The following KNDC1 variants were observed in gnomAD, a reference collection of about 807,000 sequenced individuals.
KNDC1 encodes the protein kinase non-catalytic C-lobe domain-containing protein 1.
KNDC1 carries 106 observed loss-of-function variants against 172.8 expected under a neutral mutation model. That is an observed-to-expected ratio of 0.61 (90% CI 0.52 to 0.72). The LOEUF is 0.72. Ranked by LOEUF, KNDC1 falls within the 30% of genes least tolerant of loss-of-function variation. KNDC1 has a pLI of 0.00. For missense variants in KNDC1, 2,325 were observed against 2,394.5 expected, an observed-to-expected ratio of 0.97 and a Z score of 0.61; for synonymous variants, 1,083 against 1,062.2, an observed-to-expected ratio of 1.02 and a Z score of -0.38.
rs191650518 is a variant in KNDC1 at position 133,180,785 on chromosome 10, G to A, written c.361-2559G>A. Among the ~76,000 whole-genome samples the A allele has an allele frequency of 2.4e-4, 36 of 152,358 alleles. No homozygotes were observed. The East Asian group carries it at 6.2e-3, about 26-fold the overall frequency. Reference sequence around the variant, plus strand: ...CGGCAGTCCTACCTCAGCGGAGAAAGCATAGTCCTTGCATGGGGATTTAGA... The same window carrying A: ...CGGCAGTCCTACCTCAGCGGAGAAAACATAGTCCTTGCATGGGGATTTAGA... On this transcript the variant is annotated intron_variant, in intron 3 of 29. Transcript: ENST00000304613.
At chr10:133,213,152 G>A (rs1184129762) in intron 24 of KNDC1, among the ~76,000 whole-genome samples, 2 of 152,216 alleles carry the variant, frequency 1.3e-5, no homozygotes, top group African/African-American at 2.4e-5. Context: ...ACCACTGCCC[G>A]CTGGGCCTGG....
intron 10 of KNDC1, among the ~76,000 whole-genome samples, chr10:133,196,519 G>A (rs903719989): frequency 3.3e-5 from 5 of 152,328 alleles, no homozygotes; most frequent in South Asian, 2.1e-4. Flanking sequence ...GGGTCCAGCC[G>A]TCTCCGCCTC....
At chr10:133,184,411 C>T (rs1483926997) in intron 5 of KNDC1, among the ~76,000 whole-genome samples, 2 of 80,668 alleles carry the variant, frequency 2.5e-5, no homozygotes, top group South Asian at 4.5e-4. Flanking sequence ...CACGCACACA[C>T]CCACTCACAC....
intron 3 of KNDC1, among the ~76,000 whole-genome samples, chr10:133,177,534 AGT>A (rs746910194): frequency 5.7e-4 from 86 of 151,612 alleles, no homozygotes; most frequent in South Asian, 3.5e-3. Context: ...GCATGCACAT[AGT>A]GTGTGTCATG....
At chr10:133,210,767 G>A (rs1278548435) in intron 21 of KNDC1, 43 bp downstream of exon 21, 3 of 1,494,534 alleles carry the variant, frequency 2.0e-6, no homozygotes, top group African/African-American at 2.8e-5. Context: ...GCTTCCCCCT[G>A]GGGCAGGGTG....
At position 133,167,664 on chromosome 10, in the gene KNDC1, G is replaced by A. The variant is rs766217393; in HGVS notation, c.301+85G>A. On this transcript the variant is annotated intron_variant, in intron 2 of 29. Coordinates refer to ENST00000304613, the MANE Select transcript of KNDC1 (RefSeq NM_152643.8). ...GGGGGATGTGAGCACTGGCTCTGCCGGAGCAGATGCTGGGAGCATGCCCGG... is the reference window on the plus strand; with the variant it reads ...GGGGGATGTGAGCACTGGCTCTGCCAGAGCAGATGCTGGGAGCATGCCCGG... 4.5e-4 allele frequency: 623 copies of A among 1,387,386 alleles called. 1 individual carries two copies. Among genetic ancestry groups the A allele is most frequent in the Non-Finnish European group, 5.9e-4 (603 of 1,014,816 alleles). The allele number at this position is 1,387,386 out of a possible 1,614,324, so 85.9% of individuals were successfully genotyped here. A position where few individuals can be genotyped will look rare whatever the true frequency, so the allele number is the denominator to read the frequency against.
intron 10 of KNDC1, among the ~76,000 whole-genome samples, chr10:133,196,111 G>T (rs1854184312): frequency 6.6e-6 from 1 of 152,226 alleles, no homozygotes; most frequent in Non-Finnish European, 1.5e-5. Context: ...TTGTCCAAGA[G>T]GCCAGGGCGG....
rs778690034 is a variant in KNDC1, at chr10:133,189,678, G to T, written c.1513+9G>T. The T allele has an allele frequency of 5.0e-6, 8 of 1,613,902 alleles. No homozygotes were observed. The Admixed American group carries it at 6.7e-5, about 13-fold the overall frequency. On this transcript the variant is annotated intron_variant, in intron 8 of 29. Transcript: ENST00000304613. ...GCCACCCCCTGCCAACGGTGAGTGT[G>T]TGGGTTCCCCTCAGGCCGAGTCCAG...
At chr10:133,211,654 C>T (rs761147565) in intron 22 of KNDC1, 25 bp from the exon 23 acceptor site, 29 of 1,588,752 alleles carry the variant, frequency 1.8e-5, no homozygotes, top group Non-Finnish European at 2.5e-5. Flanking sequence ...GGCAGTGACC[C>T]CCCCACCACT....
At chr10:133,169,321 G>T (rs1853295144) in intron 3 of KNDC1, among the ~76,000 whole-genome samples, 1 of 152,200 alleles carries the variant, frequency 6.6e-6, no homozygotes, top group Non-Finnish European at 1.5e-5. Context: ...TTAGCCGGAT[G>T]CAGTGGTGCA....
chr10:133,199,339 C>T, intron 14 of KNDC1, 73 bp downstream of exon 14: 4 of 1,557,348 alleles, frequency 2.6e-6, no homozygotes, highest in Middle Eastern at 1.7e-4. Flanking sequence ...CGGGGCCGCC[C>T]CACGCCCTTC....
rs776838670 is a variant in KNDC1, at chr10:133,211,443, G to A, written c.3930G>A (p.Ser1310=). The part of the protein sequence containing the change: ...TLTRAHQDPT[S]TFTKIYRRSL... ...CCAGGGCCCACCAGGACCCCACCTC[G>A]ACCTTCACCAAGATCTACAGGCGGA... The change falls in exon 22 of 30, where the codon TCG becomes TCA. Residue 1310 remains serine (S), a synonymous_variant. Coordinates refer to ENST00000304613, the MANE Select transcript of KNDC1 (RefSeq NM_152643.8). The A allele has an allele frequency of 1.9e-5, 31 of 1,613,512 alleles. 1 individual carries two copies. The South Asian group carries it at 2.0e-4, about 10-fold the overall frequency.
Position 133,219,108 on chromosome 10 carries a change from G to A in KNDC1, c.4860+18G>A, listed in dbSNP as rs1321198263. Reference sequence around the variant, plus strand: ...CCGTGGAGGTACCAGCACTTTACGTGGCCGGGCGGCTTTGGTCCCCCGAGG... The same window carrying A: ...CCGTGGAGGTACCAGCACTTTACGTAGCCGGGCGGCTTTGGTCCCCCGAGG... On this transcript the variant is annotated intron_variant, in intron 28 of 29. Coordinates refer to ENST00000304613, the MANE Select transcript of KNDC1 (RefSeq NM_152643.8). 6.2e-7 allele frequency: 1 copy of A among 1,611,058 alleles called. No homozygotes were observed. The highest frequency in any genetic ancestry group is 8.5e-7 in the Non-Finnish European group (1 of 1,178,926).
chr10:133,192,509 A>C (rs1219821288), intron 9 of KNDC1, among the ~76,000 whole-genome samples: 1 of 152,252 alleles, frequency 6.6e-6, no homozygotes, highest in Non-Finnish European at 1.5e-5. Flanking sequence ...TAAAATTTTT[A>C]AAGCAACCAT....
rs141930388 is a variant in KNDC1, at chr10:133,188,625, C to A, written c.1413C>A (p.Arg471=). ...ELWALCLACL[R]ALQTRPEHPA... ...GGGCCCTGTGCCTGGCCTGCCTCCG[C>A]GCACTGCAGACACGCCCTGAGCACC... The change falls in exon 7 of 30, where the codon CGC becomes CGA. Residue 471 remains arginine, a synonymous_variant. Transcript: ENST00000304613. 6.7e-4 allele frequency: 1,073 copies of A among 1,595,466 alleles called. 8 individuals carry two copies. The African/African-American group carries it at 0.013, about 19-fold the overall frequency.
At chr10:133,189,156 G>A (rs984118899) in intron 7 of KNDC1, among the ~76,000 whole-genome samples, 4 of 152,156 alleles carry the variant, frequency 2.6e-5, no homozygotes, top group Admixed American at 6.5e-5. Context: ...CATCTGAGAC[G>A]TAAAAACGTC....
At chr10:133,175,246 G>C (rs1277976741) in intron 3 of KNDC1, among the ~76,000 whole-genome samples, 27 of 151,500 alleles carry the variant, frequency 1.8e-4, no homozygotes, top group African/African-American at 6.3e-4. Flanking sequence ...TGGATGGATG[G>C]GTGGGTGGAT....
chr10:133,188,537 A>T lies in KNDC1; in HGVS notation c.1327-2A>T. 6.4e-7 allele frequency: 1 copy of T among 1,553,186 alleles called. No homozygotes were observed. The highest frequency in any genetic ancestry group is 2.4e-5 in the East Asian group (1 of 42,176). The stretch of plus-strand genomic sequence containing the variant: ...CTGACCTCGCCGCTCTCCTGCCCAC[A>T]GTGGGTGTCCCTGCAGGACCTCCTG... On this transcript the variant is annotated splice_acceptor_variant, in intron 6 of 29. Transcript: ENST00000304613. LOFTEE classifies it high-confidence loss of function.
Position 133,188,640 on chromosome 10 carries a change from C to T in KNDC1, c.1428C>T (p.Arg476=), listed in dbSNP as rs559608897. ...CLACLRALQT[R]PEHPAYLCLD... is the part of the protein sequence containing the mutation. ...CCTGCCTCCGCGCACTGCAGACACG[C>T]CCTGAGCACCCAGGTGACGCACGCA... is the stretch of plus-strand genomic sequence containing the variant. The change falls in exon 7 of 30, where the codon CGC becomes CGT. Residue 476 remains arginine (R), a synonymous_variant. Transcript: ENST00000304613. 2 of 1,586,584 alleles carry T rather than the reference C, an allele frequency of 1.3e-6. No individual in the cohort carries two copies. The highest frequency in any genetic ancestry group is 4.5e-5 in the East Asian group (2 of 44,050).
Sources: gnomAD v4.1 joint callset for allele counts (sites outside exome capture counted in the v4.1 genomes callset) on GRCh38, gnomAD v4.1.1 for gene constraint, MANE v1.5 for transcripts, NCBI Gene and HGNC (gene_info 2026-07-23, HGNC 2026-07-21) for gene names.